PTPN5: variants seen among roughly 807,000 people sequenced by gnomAD.
The protein encoded by PTPN5 is protein tyrosine phosphatase non-receptor type 5.
Under a neutral mutation model 73.9 loss-of-function variants are expected in PTPN5, and 29 were observed. The observed-to-expected ratio is 0.39, with a 90% CI of 0.29 to 0.54. The LOEUF is 0.54. Among genes scored for constraint, PTPN5 ranks in the 20% least tolerant of loss-of-function variants. PTPN5 has a pLI of 0.65. For synonymous variants in PTPN5, 267 were observed against 304.7 expected (o/e 0.88, Z 1.29); for missense variants, 652 against 751.4 (o/e 0.87, Z 1.55).
Position 18,740,618 on chromosome 11 carries a change from C to A in PTPN5, c.900G>T (p.Leu300=), listed in dbSNP as rs1048779959. The A allele has an allele frequency of 1.3e-6, 2 of 1,571,206 alleles. No homozygotes were observed. The highest frequency in any genetic ancestry group is 1.7e-6 in the Non-Finnish European group (2 of 1,158,310). ...LHEKALDPFL[L]QAEFFEIPMN... is the part of the protein sequence containing the mutation. Reference sequence around the variant, plus strand: ...GGGAACTCACAAAGAATTCCGCCTGCAGCAGGAAAGGGTCCAGGGCCTTTT... The same window carrying A: ...GGGAACTCACAAAGAATTCCGCCTGAAGCAGGAAAGGGTCCAGGGCCTTTT... Residue 300 remains leucine (L), a synonymous_variant, in exon 8 of 15, where the codon CTG becomes CTT. Coordinates refer to ENST00000358540, the MANE Select transcript of PTPN5 (RefSeq NM_006906.2).
intron 3 of PTPN5, among the ~76,000 whole-genome samples, chr11:18,765,093 C>CT (rs1314469074): frequency 6.6e-6 from 1 of 152,094 alleles, no homozygotes; most frequent in Non-Finnish European, 1.5e-5. Flanking sequence ...GGCGATTTTT[C>CT]TTTTTTTATT....
In PTPN5 at chr11:18,754,282, G is replaced by T. The variant is rs1439244460; in HGVS notation, c.98-10083C>A. 2.0e-5 allele frequency among the ~76,000 whole-genome samples: 3 copies of T among 152,186 alleles called. No homozygotes were observed. In the East Asian group the frequency reaches 5.8e-4, roughly 29 times the overall value. On this transcript the variant is annotated intron_variant, in intron 3 of 14. Transcript: ENST00000358540. ...TTCACCCTGTTTGCATCCTGGAACTGGGAGAGCTGGAGAGAGAGAAACCCT... is the reference window on the plus strand; with the variant it reads ...TTCACCCTGTTTGCATCCTGGAACTTGGAGAGCTGGAGAGAGAGAAACCCT...
At chr11:18,765,079 T>C (rs1850581033) in intron 3 of PTPN5, among the ~76,000 whole-genome samples, 1 of 152,220 alleles carries the variant, frequency 6.6e-6, no homozygotes, top group Non-Finnish European at 1.5e-5. Context: ...TGTTACAGGA[T>C]TATGGCGATT....
At chr11:18,753,791 G>T (rs1455155236) in intron 3 of PTPN5, among the ~76,000 whole-genome samples, 1 of 152,200 alleles carries the variant, frequency 6.6e-6, no homozygotes, top group Non-Finnish European at 1.5e-5. Flanking sequence ...TGGGGAGCTG[G>T]TGGGCCAAGT....
intron 2 of PTPN5, among the ~76,000 whole-genome samples, 193 bp from the exon 3 acceptor site, chr11:18,766,076 G>T (rs960262660): frequency 7.2e-5 from 11 of 152,144 alleles, no homozygotes; most frequent in Non-Finnish European, 1.5e-4. Flanking sequence ...AATTTTGCAG[G>T]TGTCTTCCTT....
At chr11:18,750,446 A>G (rs558347823) in intron 3 of PTPN5, among the ~76,000 whole-genome samples, 1 of 152,272 alleles carries the variant, frequency 6.6e-6, no homozygotes, top group Admixed American at 6.5e-5. Flanking sequence ...CGTCATTGGT[A>G]ACAAGTCTCC....
At chr11:18,765,758 G>C (rs1473756321) in intron 3 of PTPN5, 49 bp downstream of exon 3, 1 of 1,309,264 alleles carries the variant, frequency 7.6e-7, no homozygotes, top group Non-Finnish European at 1.1e-6. Flanking sequence ...CCGGGGCATT[G>C]TCTCTCCATT....
At chr11:18,747,583 A>G (rs1849699456) in intron 3 of PTPN5, among the ~76,000 whole-genome samples, 1 of 152,216 alleles carries the variant, frequency 6.6e-6, no homozygotes, top group Non-Finnish European at 1.5e-5. Context: ...AAGATGTGTG[A>G]CATTTATCCT....
At position 18,733,449 on chromosome 11, in the gene PTPN5, A is replaced by G. The variant is rs1590482826; in HGVS notation, c.1081-77T>C. 6.2e-7 allele frequency: 1 copy of G among 1,610,344 alleles called. No individual in the cohort carries two copies. ...CCCCATCCCCACACTCAGGCTCTTC[A>G]CAGGAGCTGGCAGGAGCCAGACTGG... On this transcript the variant is annotated intron_variant, in intron 10 of 14. Transcript: ENST00000358540. The surrounding 1 kb of genome is among the most constrained non-coding windows in gnomAD (Gnocchi z 4.3).
chr11:18,731,248 A>AT, intron 12 of PTPN5, among the ~76,000 whole-genome samples: 1 of 149,658 alleles, frequency 6.7e-6, no homozygotes, highest in Non-Finnish European at 1.5e-5. Flanking sequence ...ATATATACAT[A>AT]CATATATGAT....
At chr11:18,782,947 G>A (rs1851507845) in intron 1 of PTPN5, among the ~76,000 whole-genome samples, 1 of 152,234 alleles carries the variant, frequency 6.6e-6, no homozygotes, top group Non-Finnish European at 1.5e-5. Context: ...ACAGAAGGAT[G>A]GAAACACCAG....
chr11:18,743,749 A>G (rs1564898407), intron 4 of PTPN5: 1 of 567,814 alleles, frequency 1.8e-6, no homozygotes, highest in Non-Finnish European at 3.1e-6. Flanking sequence ...TACGGCTGGG[A>G]GCTCAGGGGT....
At chr11:18,730,068 G>C (rs540741515) in intron 12 of PTPN5, 61 of 572,826 alleles carry the variant, frequency 1.1e-4, no homozygotes, top group Middle Eastern at 3.0e-4. Context: ...AACAACTTCA[G>C]GATCATCCAA....
chr11:18,790,331 C>T (rs1042910545), intron 1 of PTPN5, among the ~76,000 whole-genome samples: 1 of 152,072 alleles, frequency 6.6e-6, no homozygotes, highest in Non-Finnish European at 1.5e-5. Flanking sequence ...AAGATCTGGC[C>T]CTCAAGCGGG....
chr11:18,759,379 T>G (rs1312904848), intron 3 of PTPN5, among the ~76,000 whole-genome samples: 1 of 152,126 alleles, frequency 6.6e-6, no homozygotes, highest in Non-Finnish European at 1.5e-5. Flanking sequence ...GTTAGATAAT[T>G]TACCACAGGT....
At chr11:18,787,531 T>A (rs1851726016) in intron 1 of PTPN5, among the ~76,000 whole-genome samples, 1 of 152,172 alleles carries the variant, frequency 6.6e-6, no homozygotes, top group Non-Finnish European at 1.5e-5. Context: ...ACTTTCCCCC[T>A]TTGTCTGTCT....
intron 3 of PTPN5, among the ~76,000 whole-genome samples, chr11:18,762,729 T>C (rs1850455333): frequency 6.6e-6 from 1 of 152,252 alleles, no homozygotes; most frequent in African/African-American, 2.4e-5. Flanking sequence ...AAGCTTTCTG[T>C]TAATTCACTG....
At position 18,733,186 on chromosome 11, in the gene PTPN5, T is replaced by G. The variant is rs763576084; in HGVS notation, c.1218+49A>C. Reference sequence around the variant, plus strand: ...ATTAATTTGAGAACAAGATACTTAGTGTAGGGCGCAATGTAGCAGACACTT... The same window carrying G: ...ATTAATTTGAGAACAAGATACTTAGGGTAGGGCGCAATGTAGCAGACACTT... On this transcript the variant is annotated intron_variant, in intron 11 of 14. Transcript: ENST00000358540. The surrounding 1 kb of genome is among the most constrained non-coding windows in gnomAD (Gnocchi z 4.3). 349 of 1,588,794 alleles carry G rather than the reference T, an allele frequency of 2.2e-4. No homozygotes were observed. Among genetic ancestry groups the G allele is most frequent in the Non-Finnish European group, 2.9e-4 (331 of 1,161,366 alleles).
chr11:18,777,587 A>T (rs1311501497), intron 1 of PTPN5, among the ~76,000 whole-genome samples: 1 of 152,132 alleles, frequency 6.6e-6, no homozygotes, highest in Non-Finnish European at 1.5e-5. Flanking sequence ...TCTTTACTGG[A>T]CCTGAACTGC....
Sources: allele counts gnomAD v4.1 joint callset (sites outside exome capture counted in the v4.1 genomes callset), GRCh38; gene constraint gnomAD v4.1.1; non-coding constraint Gnocchi (gnomAD v3.1); transcripts MANE v1.5; gene names NCBI Gene and HGNC (gene_info 2026-07-23, HGNC 2026-07-21).